The following HLCS variants were observed in gnomAD, a reference collection of about 807,000 sequenced individuals.
HLCS encodes biotin--protein ligase.
Under a neutral mutation model 75.0 loss-of-function variants are expected in HLCS, and 53 were observed. The ratio of observed to expected loss-of-function variants is 0.71; its 90% CI spans 0.57 to 0.89. HLCS has a LOEUF of 0.89. Ranked by LOEUF, HLCS falls within the 40% of genes least tolerant of loss-of-function variation. The pLI, the probability that HLCS is intolerant of heterozygous loss-of-function variation, is 0.00. For missense variants in HLCS, 966 were observed against 1,074.0 expected, an observed-to-expected ratio of 0.90 and a Z score of 1.41; for synonymous variants, 431 against 428.6, an observed-to-expected ratio of 1.01 and a Z score of -0.07.
intron 6 of HLCS, among the ~76,000 whole-genome samples, chr21:36,781,266 A>C (rs1315373196): frequency 2.0e-5 from 3 of 152,036 alleles, no homozygotes; most frequent in Non-Finnish European, 4.4e-5. Context: ...TCTCAAAAAA[A>C]AAAAAAAAAA....
rs536564053 is a variant in HLCS at position 36,878,007 on chromosome 21, G to GT, written c.1892+18852dup. On this transcript the variant is annotated intron_variant, in intron 6 of 10. Coordinates refer to ENST00000674895, the MANE Select transcript of HLCS (RefSeq NM_001352514.2). ...TTTCCTCAGATTACTTTCAGTACTT[G>GT]TTTTTTTTTTTAATCTTTGGTCTGC... Among the ~76,000 whole-genome samples the GT allele has an allele frequency of 4.7e-3, 676 of 144,232 alleles. 7 individuals are homozygous for GT. The highest frequency in any genetic ancestry group is 0.015 in the African/African-American group (589 of 39,522). The allele number at this position is 144,232 out of a possible 152,430, so 94.6% of individuals were successfully genotyped here.
chr21:36,952,797 A>G (rs2067733665), intron 2 of HLCS, among the ~76,000 whole-genome samples: 1 of 151,448 alleles, frequency 6.6e-6, no homozygotes, highest in Non-Finnish European at 1.5e-5. Context: ...CTCAAAAAAA[A>G]AAAAAAAAAA....
chr21:36,759,650 T>C (rs2089749730), intron 9 of HLCS, 77 bp downstream of exon 9: 15 of 843,994 alleles, frequency 1.8e-5, no homozygotes, highest in Non-Finnish European at 3.1e-5. Context: ...CCTGCCAATG[T>C]AGGCATGCAT....
intron 6 of HLCS, among the ~76,000 whole-genome samples, chr21:36,882,620 CTTTTTT>C (rs35012674): frequency 9.6e-6 from 1 of 104,478 alleles, no homozygotes; most frequent in Non-Finnish European, 1.8e-5. Flanking sequence ...TTCTTTCTTT[CTTTTTT>C]TTTTTTTTTT....
intron 6 of HLCS, among the ~76,000 whole-genome samples, chr21:36,883,598 G>C (rs143589038): frequency 1.5e-3 from 233 of 152,284 alleles, no homozygotes; most frequent in African/African-American, 5.4e-3. Context: ...ATTTCTTACT[G>C]CATCAGAATC....
At chr21:36,939,422 C>CCA (rs1026863679) in intron 2 of HLCS, among the ~76,000 whole-genome samples, 1 of 152,198 alleles carries the variant, frequency 6.6e-6, no homozygotes, top group Non-Finnish European at 1.5e-5. Flanking sequence ...GTGCAACTGA[C>CCA]CTCCCAGGGA....
chr21:36,916,518 ATTTTTTTTTTT>A (rs57613865), intron 5 of HLCS, among the ~76,000 whole-genome samples: 2,087 of 93,070 alleles, frequency 0.022, 56 homozygotes, highest in African/African-American at 0.073. Flanking sequence ...TGCCTAGCTA[ATTTTTTTTTTT>A]TTTTTTTTTT....
chr21:36,763,461 G>C (rs535395112), intron 8 of HLCS, among the ~76,000 whole-genome samples: 1 of 152,156 alleles, frequency 6.6e-6, no homozygotes, highest in Non-Finnish European at 1.5e-5. Flanking sequence ...CCGTTTCAGC[G>C]ATGTGATGTA....
chr21:36,936,867 T>C lies in HLCS; in HGVS notation c.1019A>G (p.Asp340Gly), dbSNP rs756048295. Residue 340 changes from aspartate to glycine, a missense_variant, in exon 4 of 11, where the codon GAC becomes GGC. Transcript: ENST00000674895. ...RSVLADCVDI[D>G]SYILYHLLED... ...CAGCAGGTGGTAGAGAATATAACTGTCAATGTCCACACAGTCGGCCAGCAC... is the reference window on the plus strand; with the variant it reads ...CAGCAGGTGGTAGAGAATATAACTGCCAATGTCCACACAGTCGGCCAGCAC... 6.2e-7 allele frequency: 1 copy of C among 1,613,968 alleles called. No homozygotes were observed. The highest frequency in any genetic ancestry group is 8.5e-7 in the Non-Finnish European group (1 of 1,180,028).
intron 6 of HLCS, among the ~76,000 whole-genome samples, chr21:36,813,730 C>T (rs2061578757): frequency 6.6e-6 from 1 of 152,136 alleles, no homozygotes; most frequent in African/African-American, 2.4e-5. Context: ...AGTTTCATTG[C>T]TTTGGGGCAT....
chr21:36,924,117 G>A (rs1439203792), intron 5 of HLCS, among the ~76,000 whole-genome samples: 1 of 152,176 alleles, frequency 6.6e-6, no homozygotes, highest in East Asian at 1.9e-4. Context: ...GTATTTTAAA[G>A]TTATGCCCAA....
At chr21:36,889,620 C>T (rs1227691948) in intron 6 of HLCS, among the ~76,000 whole-genome samples, 1 of 152,168 alleles carries the variant, frequency 6.6e-6, no homozygotes, top group African/African-American at 2.4e-5. Context: ...CTGGTCCACA[C>T]CCACTTCCCT....
intron 5 of HLCS, 74 bp from the exon 6 acceptor site, chr21:36,897,205 T>G: frequency 6.6e-7 from 1 of 1,521,152 alleles, no homozygotes; most frequent in Non-Finnish European, 9.1e-7. Flanking sequence ...TTCCTTATAA[T>G]GCCATTTTGG....
intron 6 of HLCS, among the ~76,000 whole-genome samples, chr21:36,867,174 T>TG (rs1601564343): frequency 3.3e-5 from 5 of 152,222 alleles, no homozygotes. Flanking sequence ...TACATATATC[T>TG]GGGGGGCAGA....
At position 36,871,042 on chromosome 21, in the gene HLCS, C is replaced by T. The variant is rs781509510; in HGVS notation, c.1892+25818G>A. ...CTAATTATATCTTTTCTTTTTAACACGAGGTAGAACATTTTACAGCAACCC... is the reference window on the plus strand; with the variant it reads ...CTAATTATATCTTTTCTTTTTAACATGAGGTAGAACATTTTACAGCAACCC... On this transcript the variant is annotated intron_variant, in intron 6 of 10. Coordinates refer to ENST00000674895, the MANE Select transcript of HLCS (RefSeq NM_001352514.2). 7.4e-4 allele frequency among the ~76,000 whole-genome samples: 113 copies of T among 152,058 alleles called. 1 individual carries two copies. Among genetic ancestry groups the T allele is most frequent in the Non-Finnish European group, 3.1e-4 (21 of 68,032 alleles).
At chr21:36,764,173 CG>C (rs1396599249) in intron 8 of HLCS, among the ~76,000 whole-genome samples, 4 of 152,056 alleles carry the variant, frequency 2.6e-5, no homozygotes, top group African/African-American at 7.2e-5. Context: ...CTGAGGCGGG[CG>C]GATCACAAGG....
chr21:36,988,957 CCAGTTTGACAT>C (rs2069280419), intron 1 of HLCS, among the ~76,000 whole-genome samples: 1 of 151,840 alleles, frequency 6.6e-6, no homozygotes, highest in African/African-American at 2.4e-5. Context: ...ATATTTTTTC[CCAGTTTGACAT>C]CTGTCTTTAA....
intron 5 of HLCS, 28 bp downstream of exon 5, chr21:36,930,223 G>T: frequency 6.2e-7 from 1 of 1,605,184 alleles, no homozygotes. Context: ...GTCACAGCGC[G>T]CTCTGCCCAG....
At chr21:36,787,725 C>T (rs3827185) in intron 6 of HLCS, among the ~76,000 whole-genome samples, 26,517 of 152,112 alleles carry the variant, frequency 0.17, 2,544 homozygotes, top group South Asian at 0.27. Flanking sequence ...GGATATTCTA[C>T]AGAAAGAGAA....
Sources: allele counts gnomAD v4.1 joint callset (sites outside exome capture counted in the v4.1 genomes callset), GRCh38; gene constraint gnomAD v4.1.1; transcripts MANE v1.5; gene names NCBI Gene and HGNC (gene_info 2026-07-23, HGNC 2026-07-21).